DAAM2: variants seen among roughly 807,000 people sequenced by gnomAD.
DAAM2 encodes the protein disheveled-associated activator of morphogenesis 2.
In DAAM2, 39 loss-of-function variants were observed where a neutral mutation model predicts 120.7. That is an observed-to-expected ratio of 0.32 (90% CI 0.25 to 0.42). The LOEUF is 0.42. Among genes scored for constraint, DAAM2 ranks in the 10% least tolerant of loss-of-function variants. The pLI, the probability that DAAM2 is intolerant of heterozygous loss-of-function variation, is 1.00. For missense variants in DAAM2, 1,283 were observed against 1,401.7 expected (o/e 0.92, Z 1.35); for synonymous variants, 488 against 524.9 (o/e 0.93, Z 0.96).
chr6:39,894,999 G>C (rs1319113229), intron 19 of DAAM2, among the ~76,000 whole-genome samples: 1 of 151,886 alleles, frequency 6.6e-6, no homozygotes, highest in Non-Finnish European at 1.5e-5. Context: ...TATGGTTGTG[G>C]GTTGTCCCTG....
intron 1 of DAAM2, among the ~76,000 whole-genome samples, chr6:39,833,156 C>A (rs1353165885): frequency 6.6e-6 from 1 of 152,218 alleles, no homozygotes; most frequent in Non-Finnish European, 1.5e-5. Context: ...AAACCACCCC[C>A]TCCTCTCTTC....
intron 3 of DAAM2, among the ~76,000 whole-genome samples, chr6:39,863,150 G>A (rs1216945349): frequency 6.6e-6 from 1 of 151,618 alleles, no homozygotes. Context: ...TCTTTACTCC[G>A]TACTTTCAGA....
chr6:39,881,400 A>G (rs1352246108), intron 14 of DAAM2, among the ~76,000 whole-genome samples: 3 of 152,244 alleles, frequency 2.0e-5, no homozygotes, highest in Non-Finnish European at 4.4e-5. Flanking sequence ...CCTTATCTGT[A>G]AGTGGGGCAA....
Position 39,878,597 on chromosome 6 carries a change from G to A in DAAM2, c.1545+9G>A, listed in dbSNP as rs747699654. 6.3e-6 allele frequency: 10 copies of A among 1,597,450 alleles called. No individual in the cohort carries two copies. The South Asian group carries it at 1.1e-4, about 18-fold the overall frequency. ...AGCTCAGTGAACTCTCAGTATGCAA[G>A]CATCTCCCCCTTTACATAGTTGAGC... On this transcript the variant is annotated intron_variant, in intron 13 of 24. Transcript: ENST00000274867. The surrounding 1 kb of genome is among the most constrained non-coding windows in gnomAD (Gnocchi z 5.0).
At chr6:39,873,189 A>C (rs772702104) in intron 9 of DAAM2, 49 bp from the exon 10 acceptor site, 11 of 1,244,542 alleles carry the variant, frequency 8.8e-6, no homozygotes, top group Non-Finnish European at 8.1e-6. Flanking sequence ...TCTCCTGCTG[A>C]CTTCCTCTGC....
rs1277412271 is a variant in DAAM2 at position 39,856,365 on chromosome 6, C to A, written c.63C>A (p.Asp21Glu). 3 of 1,554,548 alleles carry A rather than the reference C, an allele frequency of 1.9e-6. No individual in the cohort carries two copies. Among genetic ancestry groups the A allele is most frequent in the East Asian group, 2.5e-5 (1 of 40,136 alleles). Residue 21 changes from aspartate to glutamate, a missense_variant, in exon 2 of 25, where the codon GAC becomes GAA. Coordinates refer to ENST00000274867, the MANE Select transcript of DAAM2 (RefSeq NM_001201427.2). ...TCCTGTGCTGCTTCGGGGGCAGTGACATCCCCGAAATCAACCTCCGGGACA... is the reference window on the plus strand; with the variant it reads ...TCCTGTGCTGCTTCGGGGGCAGTGAAATCCCCGAAATCAACCTCCGGGACA... ...LGFLCCFGGS[D>E]IPEINLRDNH...
At chr6:39,893,722 A>G (rs779971434) in intron 19 of DAAM2, among the ~76,000 whole-genome samples, 3 of 152,216 alleles carry the variant, frequency 2.0e-5, no homozygotes, top group Non-Finnish European at 4.4e-5. Flanking sequence ...CTTTCCTCTA[A>G]GAGCTAGATA....
chr6:39,812,450 G>C (rs1561998245), intron 1 of DAAM2, among the ~76,000 whole-genome samples: 1 of 152,130 alleles, frequency 6.6e-6, no homozygotes, highest in African/African-American at 2.4e-5. Flanking sequence ...TTCCAAGTAA[G>C]GTGTGCCTGA....
At position 39,813,146 on chromosome 6, in the gene DAAM2, T is replaced by TTG. The variant is rs143725882; in HGVS notation, c.-57+20700_-57+20701dup. On this transcript the variant is annotated intron_variant, in intron 1 of 24. Coordinates refer to ENST00000274867, the MANE Select transcript of DAAM2 (RefSeq NM_001201427.2). ...GAGAGAGAAGGAAAGAAGAGGCAGA[T>TTG]TGTGTGTGTGTGTGTGTGTGCGTGT... is the stretch of plus-strand genomic sequence containing the variant. 5.9e-3 allele frequency among the ~76,000 whole-genome samples: 876 copies of TTG among 149,402 alleles called. 5 individuals are homozygous for TTG. Among genetic ancestry groups the TTG allele is most frequent in the African/African-American group, 0.018 (717 of 40,830 alleles).
intron 14 of DAAM2, chr6:39,883,679 C>T (rs908694446): frequency 5.6e-6 from 2 of 354,470 alleles, no homozygotes; most frequent in East Asian, 9.5e-5. Flanking sequence ...CCCTTTCCTA[C>T]TGCCTACCCA....
chr6:39,826,058 C>T (rs1562007005), intron 1 of DAAM2, among the ~76,000 whole-genome samples: 2 of 152,242 alleles, frequency 1.3e-5, no homozygotes, highest in South Asian at 2.1e-4. Context: ...GTGAACCTGG[C>T]CTCCTTCCCC....
In DAAM2 at chr6:39,902,075, G is replaced by A. The variant is rs1238398321; in HGVS notation, c.*38G>A. The stretch of plus-strand genomic sequence containing the variant: ...GCCACACAGGAGGCCGGGAGACAGG[G>A]ACTGGTGAGAATGGGGCTGAGTGGA... On this transcript the variant is annotated 3_prime_UTR_variant, in exon 25 of 25. Coordinates refer to ENST00000274867, the MANE Select transcript of DAAM2 (RefSeq NM_001201427.2). 8.4e-6 allele frequency: 13 copies of A among 1,544,730 alleles called. No individual in the cohort carries two copies. Among genetic ancestry groups the A allele is most frequent in the African/African-American group, 2.7e-5 (2 of 73,522 alleles).
At chr6:39,813,799 C>T (rs745877285) in intron 1 of DAAM2, among the ~76,000 whole-genome samples, 8 of 152,164 alleles carry the variant, frequency 5.3e-5, no homozygotes, top group Non-Finnish European at 1.2e-4. Context: ...TGTTTCCAGT[C>T]TTTTCTCTCC....
At chr6:39,844,769 C>G (rs1401782552) in intron 1 of DAAM2, among the ~76,000 whole-genome samples, 2 of 152,082 alleles carry the variant, frequency 1.3e-5, no homozygotes, top group Non-Finnish European at 2.9e-5. Flanking sequence ...CTTACTGTTT[C>G]CTCTGCTCAT....
At chr6:39,808,016 A>G (rs1269459533) in intron 1 of DAAM2, among the ~76,000 whole-genome samples, 1 of 152,002 alleles carries the variant, frequency 6.6e-6, no homozygotes, top group Non-Finnish European at 1.5e-5. Flanking sequence ...GACATCTCCA[A>G]ATAGGCTCTT....
intron 1 of DAAM2, chr6:39,848,600 C>T (rs1763686425): frequency 6.6e-6 from 1 of 152,154 alleles, no homozygotes; most frequent in Admixed American, 6.5e-5. Context: ...TGTCTCCCAC[C>T]CCTAGGCCTG....
intron 19 of DAAM2, among the ~76,000 whole-genome samples, chr6:39,894,494 T>C (rs1373747288): frequency 6.6e-6 from 1 of 152,010 alleles, no homozygotes; most frequent in African/African-American, 2.4e-5. Flanking sequence ...GAAATACAGC[T>C]TCCAACCCCC....
intron 3 of DAAM2, 24 bp from the exon 4 acceptor site, chr6:39,864,409 A>T: frequency 6.2e-7 from 1 of 1,604,740 alleles, no homozygotes; most frequent in Non-Finnish European, 8.5e-7. Context: ...CTGTTGGTCC[A>T]TGCTGTCCTT....
At chr6:39,832,931 A>T (rs1364501868) in intron 1 of DAAM2, among the ~76,000 whole-genome samples, 1 of 151,110 alleles carries the variant, frequency 6.6e-6, no homozygotes, top group Non-Finnish European at 1.5e-5. Flanking sequence ...ACGTCCACCC[A>T]CTCCTGGAGG....
Sources: gnomAD v4.1 joint callset for allele counts (sites outside exome capture counted in the v4.1 genomes callset) on GRCh38, gnomAD v4.1.1 for gene constraint, Gnocchi (gnomAD v3.1) non-coding constraint, MANE v1.5 for transcripts, NCBI Gene and HGNC (gene_info 2026-07-23, HGNC 2026-07-21) for gene names.